EXT2: variants seen among roughly 807,000 people sequenced by gnomAD.
EXT2 encodes exostosin-2.
Under a neutral mutation model 81.6 loss-of-function variants are expected in EXT2, and 53 were observed. That is an observed-to-expected ratio of 0.65 (90% CI 0.52 to 0.82). EXT2 has a LOEUF of 0.82. EXT2 is among the 40% of genes least tolerant of loss of function. The pLI is 0.00. For synonymous variants in EXT2, 320 were observed against 340.0 expected, an observed-to-expected ratio of 0.94 and a Z score of 0.65; for missense variants, 774 against 910.2, an observed-to-expected ratio of 0.85 and a Z score of 1.93.
chr11:44,186,208 A>C (rs1955308955), intron 8 of EXT2, among the ~76,000 whole-genome samples: 1 of 152,246 alleles, frequency 6.6e-6, no homozygotes, highest in African/African-American at 2.4e-5. Context: ...CAATAAAATC[A>C]ATGGTATGTT....
intron 1 of EXT2, among the ~76,000 whole-genome samples, chr11:44,099,726 A>G (rs894764594): frequency 6.6e-6 from 1 of 152,224 alleles, no homozygotes; most frequent in Non-Finnish European, 1.5e-5. Flanking sequence ...AGACTTGCAA[A>G]TACTTAACCA....
At position 44,171,685 on chromosome 11, in the gene EXT2, C is replaced by G. The variant is rs752340612; in HGVS notation, c.1248C>G (p.Asp416Glu). 1.9e-6 allele frequency: 3 copies of G among 1,614,024 alleles called. No homozygotes were observed. The highest frequency in any genetic ancestry group is 1.7e-5 in the Admixed American group (1 of 60,010). ...IALATLQIIN[D>E]RIYPYAAISY... ...TGGCCACCCTGCAGATTATCAATGA[C>G]CGGATCTATCCATATGCTGCCATCT... Residue 416 changes from aspartate to glutamate, a missense_variant, in exon 8 of 14, where the codon GAC becomes GAG. Around this residue, in one of 2 missense-constraint regions of EXT2, gnomAD observed 626 missense variants for 670.5 expected, o/e 0.93. Coordinates refer to ENST00000533608, the MANE Select transcript of EXT2 (RefSeq NM_207122.2).
chr11:44,247,394 C>T lies in EXT2; in HGVS notation c.*3107C>T, dbSNP rs543352319. On this transcript the variant is annotated 3_prime_UTR_variant, in exon 14 of 14. Coordinates refer to ENST00000533608, the MANE Select transcript of EXT2 (RefSeq NM_207122.2). ...CCTCCTGAGTAGCTGGGATTACAGGCGCTTGCCACCACGCCTGGCTAATTT... is the reference window on the plus strand; with the variant it reads ...CCTCCTGAGTAGCTGGGATTACAGGTGCTTGCCACCACGCCTGGCTAATTT... Among the ~76,000 whole-genome samples the T allele has an allele frequency of 2.4e-3, 365 of 151,788 alleles. 1 individual carries two copies. The highest frequency in any genetic ancestry group is 5.1e-3 in the Admixed American group (77 of 15,214).
intron 13 of EXT2, among the ~76,000 whole-genome samples, 196 bp from the exon 14 acceptor site, chr11:44,243,953 C>G (rs1233911412): frequency 6.6e-6 from 1 of 152,186 alleles, no homozygotes; most frequent in Non-Finnish European, 1.5e-5. Context: ...CAGTTCACCG[C>G]TTTTTTCCAC....
chr11:44,238,247 A>G (rs1317447606), intron 13 of EXT2, among the ~76,000 whole-genome samples: 1 of 152,192 alleles, frequency 6.6e-6, no homozygotes, highest in Non-Finnish European at 1.5e-5. Context: ...TGGTGATACA[A>G]TCATGGCTCA....
intron 11 of EXT2, among the ~76,000 whole-genome samples, chr11:44,233,248 C>T (rs1955920271): frequency 2.6e-5 from 4 of 151,986 alleles, no homozygotes; most frequent in Non-Finnish European, 5.9e-5. Context: ...TGCAAATTTA[C>T]ACTCCCACCA....
intron 7 of EXT2, among the ~76,000 whole-genome samples, chr11:44,137,274 T>A (rs941998979): frequency 1.3e-5 from 2 of 152,226 alleles, no homozygotes; most frequent in Admixed American, 6.5e-5. Flanking sequence ...TGTAAATAAA[T>A]TTTCCTGTCT....
intron 8 of EXT2, among the ~76,000 whole-genome samples, chr11:44,178,011 T>C (rs1438305961): frequency 6.6e-6 from 1 of 152,212 alleles, no homozygotes; most frequent in East Asian, 1.9e-4. Flanking sequence ...TCCCTGGACT[T>C]CCTCTAAGCC....
rs1173593863 is a variant in EXT2, at chr11:44,095,760, CGGACCGATCCGACCTGGGCGGA to C, written c.-120_-99del. On this transcript the variant is annotated 5_prime_UTR_variant, in exon 1 of 14. Transcript: ENST00000533608. ...GCCCTGGCAGTGGCGGCTGGCGATT[CGGACCGATCCGACCTGGGCGGA>C]GGTGGCCCGCGCCCCGCGGCATGAG... The C allele has an allele frequency of 6.5e-6, 1 of 154,264 alleles. No individual in the cohort carries two copies. The highest frequency in any genetic ancestry group is 1.4e-5 in the Non-Finnish European group (1 of 69,590). The allele number at this position is 154,264 out of a possible 1,614,324, so 9.6% of individuals were successfully genotyped here. A position where few individuals can be genotyped will look rare whatever the true frequency, so the allele number is the denominator to read the frequency against.
At chr11:44,142,417 C>T (rs188714190) in intron 7 of EXT2, among the ~76,000 whole-genome samples, 106 of 152,260 alleles carry the variant, frequency 7.0e-4, no homozygotes, top group Non-Finnish European at 7.5e-4. Flanking sequence ...ATTTTTCTAC[C>T]GGTAACTTAA....
chr11:44,243,842 G>A (rs1386394170), intron 13 of EXT2, among the ~76,000 whole-genome samples: 4 of 151,858 alleles, frequency 2.6e-5, no homozygotes, highest in African/African-American at 2.4e-5. Context: ...ACTGGAATTT[G>A]AGGGGGAGGG....
intron 7 of EXT2, among the ~76,000 whole-genome samples, chr11:44,152,891 A>G (rs960967012): frequency 3.3e-5 from 5 of 152,196 alleles, no homozygotes; most frequent in African/African-American, 7.2e-5. Flanking sequence ...TGATCTGTCT[A>G]TTCTTTCACC....
At chr11:44,147,350 G>A (rs1291108903) in intron 7 of EXT2, among the ~76,000 whole-genome samples, 1 of 152,090 alleles carries the variant, frequency 6.6e-6, no homozygotes, top group Non-Finnish European at 1.5e-5. Flanking sequence ...TAGTAGGCAG[G>A]GCACAAAGTG....
At chr11:44,097,860 A>C (rs116363633) in intron 1 of EXT2, among the ~76,000 whole-genome samples, 334 of 152,312 alleles carry the variant, frequency 2.2e-3, no homozygotes, top group Middle Eastern at 6.8e-3. Flanking sequence ...GACTAAGTGG[A>C]TTGGCTATAA....
chr11:44,182,669 AT>A (rs909201006), intron 8 of EXT2, among the ~76,000 whole-genome samples: 1 of 151,930 alleles, frequency 6.6e-6, no homozygotes, highest in African/African-American at 2.4e-5. Flanking sequence ...GTGTATGTGT[AT>A]TTTTTCCCCT....
intron 3 of EXT2, among the ~76,000 whole-genome samples, chr11:44,109,782 C>T (rs921528071): frequency 7.2e-5 from 11 of 152,134 alleles, no homozygotes; most frequent in African/African-American, 2.7e-4. Context: ...CATTATTCGC[C>T]CCTCTTGCCT....
At chr11:44,173,187 T>C (rs986033306) in intron 8 of EXT2, among the ~76,000 whole-genome samples, 3 of 152,210 alleles carry the variant, frequency 2.0e-5, no homozygotes, top group African/African-American at 7.2e-5. Flanking sequence ...CTCTCCTCAC[T>C]GGGACACCTC....
intron 1 of EXT2, among the ~76,000 whole-genome samples, chr11:44,105,373 C>T (rs889465424): frequency 4.6e-5 from 7 of 152,122 alleles, no homozygotes; most frequent in Admixed American, 4.6e-4. Flanking sequence ...GTTCACTGCA[C>T]CTCCGCCTCC....
At chr11:44,148,931 G>A (rs768084680) in intron 7 of EXT2, among the ~76,000 whole-genome samples, 1 of 152,152 alleles carries the variant, frequency 6.6e-6, no homozygotes, top group Non-Finnish European at 1.5e-5. Context: ...TTTACACTGA[G>A]GTAAATACAT....
Sources: allele counts gnomAD v4.1 joint callset (sites outside exome capture counted in the v4.1 genomes callset), GRCh38; gene constraint gnomAD v4.1.1; regional missense constraint gnomAD v4.1.1; transcripts MANE v1.5; gene names NCBI Gene and HGNC (gene_info 2026-07-23, HGNC 2026-07-21).